BANK1: variants seen among roughly 807,000 people sequenced by gnomAD.
The protein encoded by BANK1 is B cell scaffold protein with ankyrin repeats 1.
In BANK1, 95 loss-of-function variants were observed where a neutral mutation model predicts 94.5. The ratio of observed to expected loss-of-function variants is 1.00; its 90% CI spans 0.85 to 1.19. The LOEUF is 1.19. Ranked by LOEUF, BANK1 falls within the 50% of genes most tolerant of loss-of-function variation. BANK1 has a pLI of 0.00. For synonymous variants in BANK1, 334 were observed against 308.4 expected, an observed-to-expected ratio of 1.08 and a Z score of -0.87; for missense variants, 987 against 932.2, an observed-to-expected ratio of 1.06 and a Z score of -0.77.
chr4:101,986,899 G>GTGTATATATATATATATATA (rs1343197093), intron 7 of BANK1, among the ~76,000 whole-genome samples: 3 of 82,670 alleles, frequency 3.6e-5, no homozygotes, highest in South Asian at 4.4e-4. Context: ...GTGTGTGTGT[G>GTGTATATATATATATATATA]TATATATATA....
At chr4:101,956,716 G>C (rs780645491) in intron 7 of BANK1, among the ~76,000 whole-genome samples, 1 of 152,088 alleles carries the variant, frequency 6.6e-6, no homozygotes, top group Non-Finnish European at 1.5e-5. Flanking sequence ...CTGCCTTCCT[G>C]CCAATGTAGA....
chr4:101,800,957 C>A (rs1466879566), intron 1 of BANK1, among the ~76,000 whole-genome samples: 1 of 152,176 alleles, frequency 6.6e-6, no homozygotes, highest in African/African-American at 2.4e-5. Context: ...GGGGTTTCAC[C>A]ATTTTGGCCA....
intron 9 of BANK1, among the ~76,000 whole-genome samples, chr4:102,026,736 C>T (rs1004719101): frequency 1.3e-4 from 19 of 150,544 alleles, no homozygotes; most frequent in African/African-American, 3.7e-4. Flanking sequence ...GCAGGAGAAT[C>T]GCTTGAGCCC....
intron 9 of BANK1, among the ~76,000 whole-genome samples, chr4:102,026,822 CAAAAAAA>C (rs74429394): frequency 1.7e-5 from 1 of 59,780 alleles, no homozygotes; most frequent in Non-Finnish European, 3.6e-5. Flanking sequence ...GACTCCATCT[CAAAAAAA>C]AAAAAAAAAA....
intron 5 of BANK1, among the ~76,000 whole-genome samples, chr4:101,875,667 A>C (rs1461133703): frequency 6.6e-6 from 1 of 152,206 alleles, no homozygotes; most frequent in East Asian, 1.9e-4. Flanking sequence ...GGGTGGGGAC[A>C]CAGAGCTAAA....
chr4:101,815,746 TA>T (rs1725890898), intron 1 of BANK1, among the ~76,000 whole-genome samples: 1 of 152,018 alleles, frequency 6.6e-6, no homozygotes. Flanking sequence ...CATGTTTTTT[TA>T]AATCCAATTT....
chr4:101,990,235 A>G (rs1160813206), intron 7 of BANK1, among the ~76,000 whole-genome samples: 1 of 152,214 alleles, frequency 6.6e-6, no homozygotes, highest in African/African-American at 2.4e-5. Context: ...TATAAAAAAC[A>G]AAACAAGCAA....
chr4:101,832,676 CCT>C (rs543829475), intron 2 of BANK1, among the ~76,000 whole-genome samples: 1 of 152,124 alleles, frequency 6.6e-6, no homozygotes, highest in African/African-American at 2.4e-5. Context: ...AATTCACTCA[CCT>C]CTCTCTAACT....
At chr4:102,053,202 C>T (rs10516489) in intron 11 of BANK1, among the ~76,000 whole-genome samples, 46,921 of 151,828 alleles carry the variant, frequency 0.31, 8,618 homozygotes, top group South Asian at 0.44. Context: ...ATAGAAAATA[C>T]GATCAATGAC....
chr4:102,010,159 G>GA lies in BANK1; in HGVS notation c.1207-11355_1207-11354insA, dbSNP rs555882063. Among the ~76,000 whole-genome samples the GA allele has an allele frequency of 1.2e-4, 18 of 151,854 alleles. No individual in the cohort carries two copies. The South Asian group carries it at 3.7e-3, about 31-fold the overall frequency. ...GGGCGCCTGTAGTCCCAGCTACTCG[G>GA]GAGGCTGAGGCAGGAGAATGGCGTG... On this transcript the variant is annotated intron_variant, in intron 7 of 16. Coordinates refer to ENST00000322953, the MANE Select transcript of BANK1 (RefSeq NM_017935.5).
At chr4:102,045,447 G>T (rs1727848668) in intron 11 of BANK1, among the ~76,000 whole-genome samples, 1 of 152,192 alleles carries the variant, frequency 6.6e-6, no homozygotes, top group African/African-American at 2.4e-5. Flanking sequence ...CCAAGGCAAT[G>T]AGGCAGGAGA....
At chr4:101,922,821 A>T (rs1377169021) in intron 7 of BANK1, among the ~76,000 whole-genome samples, 1 of 151,874 alleles carries the variant, frequency 6.6e-6, no homozygotes, top group Non-Finnish European at 1.5e-5. Flanking sequence ...TTATAAATTT[A>T]TGTGTCAGTT....
chr4:101,949,665 G>C (rs1359658647), intron 7 of BANK1, among the ~76,000 whole-genome samples: 3 of 152,092 alleles, frequency 2.0e-5, no homozygotes, highest in Non-Finnish European at 4.4e-5. Context: ...TTATCCCTTA[G>C]TATGGGAAAA....
intron 7 of BANK1, among the ~76,000 whole-genome samples, chr4:101,987,223 C>T (rs1157977346): frequency 1.3e-5 from 2 of 151,566 alleles, no homozygotes; most frequent in Non-Finnish European, 2.9e-5. Flanking sequence ...GGTAATCAGT[C>T]CAGTTAATTA....
At chr4:101,840,703 A>C (rs1366856995) in intron 2 of BANK1, among the ~76,000 whole-genome samples, 1 of 152,232 alleles carries the variant, frequency 6.6e-6, no homozygotes, top group Non-Finnish European at 1.5e-5. Flanking sequence ...CTGTTAATAA[A>C]TACATGGGTA....
intron 6 of BANK1, among the ~76,000 whole-genome samples, chr4:101,908,660 G>A (rs1722550923): frequency 6.6e-6 from 1 of 152,060 alleles, no homozygotes; most frequent in African/African-American, 2.4e-5. Flanking sequence ...CTACTCATCT[G>A]ACAAACGGTT....
At chr4:101,968,939 G>A (rs576947008) in intron 7 of BANK1, among the ~76,000 whole-genome samples, 5 of 152,198 alleles carry the variant, frequency 3.3e-5, no homozygotes, top group African/African-American at 1.2e-4. Context: ...TGGTAATACA[G>A]TCTAGATGAG....
chr4:101,818,263 A>G (rs1725998121), intron 1 of BANK1, among the ~76,000 whole-genome samples: 1 of 152,208 alleles, frequency 6.6e-6, no homozygotes, highest in African/African-American at 2.4e-5. Flanking sequence ...ATTCATTGCA[A>G]TTATAAAGAA....
chr4:101,853,485 T>A (rs1279571883), intron 2 of BANK1, among the ~76,000 whole-genome samples: 4 of 152,116 alleles, frequency 2.6e-5, no homozygotes, highest in Non-Finnish European at 5.9e-5. Context: ...TATTTGGATT[T>A]TTTTTCTTGT....
Sources: gnomAD v4.1 joint callset for allele counts (sites outside exome capture counted in the v4.1 genomes callset) on GRCh38, gnomAD v4.1.1 for gene constraint, MANE v1.5 for transcripts, NCBI Gene and HGNC (gene_info 2026-07-23, HGNC 2026-07-21) for gene names.